Variants in INVS observed in about 807,000 individuals in gnomAD.
The protein encoded by INVS is inversion of embryo turning homolog.
INVS carries 86 observed loss-of-function variants against 108.8 expected under a neutral mutation model. That is an observed-to-expected ratio of 0.79 (90% confidence interval 0.66 to 0.95). The LOEUF (loss-of-function observed/expected upper bound fraction) is 0.95, where lower values mean the gene tolerates loss of function less well. Ranked by LOEUF, INVS falls within the 40% of genes least tolerant of loss-of-function variation. The pLI is 0.00. For synonymous variants in INVS, 455 were observed against 473.5 expected (o/e 0.96, Z 0.51); for missense variants, 1,169 against 1,297.4 (o/e 0.90, Z 1.52).
chr9:100,241,646 C>A (rs984241986), intron 6 of INVS, among the ~76,000 whole-genome samples: 3 of 152,054 alleles, frequency 2.0e-5, no homozygotes, highest in Non-Finnish European at 4.4e-5. Flanking sequence ...CCCTTTATTT[C>A]TCAAACAAAA....
intron 3 of INVS, among the ~76,000 whole-genome samples, chr9:100,143,736 A>G (rs183779404): frequency 7.3e-4 from 111 of 152,096 alleles, no homozygotes; most frequent in Admixed American, 2.2e-3. Context: ...AGTTGGCACC[A>G]GAGTTGGGGA....
chr9:100,167,561 C>T (rs1355153054), intron 3 of INVS, among the ~76,000 whole-genome samples: 1 of 152,194 alleles, frequency 6.6e-6, no homozygotes, highest in East Asian at 1.9e-4. Context: ...ATACCCACCT[C>T]ACCTCACACA....
intron 3 of INVS, among the ~76,000 whole-genome samples, chr9:100,162,700 C>T (rs987108475): frequency 1.3e-5 from 2 of 152,010 alleles, no homozygotes; most frequent in African/African-American, 4.8e-5. Context: ...CCTTGGCGGG[C>T]ACCAGTAATC....
Position 100,302,054 on chromosome 9 carries a change from T to TATCA in INVS, c.*1381_*1384dup, listed in dbSNP as rs71498737. On this transcript the variant is annotated 3_prime_UTR_variant, in exon 17 of 17. Transcript: ENST00000262457. ...GGAACGCCCAAACATTATTTTCATA[T>TATCA]ATCAGTGCAAAGAAAGAAGGTTCGT... The TATCA allele has an allele frequency of 3.8e-6, 2 of 529,852 alleles. No homozygotes were observed. Among genetic ancestry groups the TATCA allele is most frequent in the African/African-American group, 1.9e-5 (1 of 53,094 alleles). 32.8% of individuals were successfully genotyped at this position (529,852 alleles called of 1,614,324 possible).
intron 3 of INVS, among the ~76,000 whole-genome samples, chr9:100,145,531 AGTG>A (rs1413219562): frequency 6.6e-6 from 1 of 151,776 alleles, no homozygotes; most frequent in African/African-American, 2.4e-5. Flanking sequence ...CCCCTAGAAA[AGTG>A]GTACTTGCCA....
At chr9:100,218,005 CTATAAT>C (rs1231562368) in intron 3 of INVS, among the ~76,000 whole-genome samples, 1 of 151,808 alleles carries the variant, frequency 6.6e-6, no homozygotes, top group Non-Finnish European at 1.5e-5. Flanking sequence ...AATTATATAG[CTATAAT>C]TATAATTAAT....
At chr9:100,113,487 C>T (rs879739977) in intron 2 of INVS, among the ~76,000 whole-genome samples, 8 of 152,118 alleles carry the variant, frequency 5.3e-5, no homozygotes, top group African/African-American at 1.7e-4. Flanking sequence ...AAATATATGT[C>T]GAAGTATTGC....
At chr9:100,282,205 A>G (rs1488757924) in intron 12 of INVS, among the ~76,000 whole-genome samples, 1 of 152,180 alleles carries the variant, frequency 6.6e-6, no homozygotes, top group Non-Finnish European at 1.5e-5. Context: ...CCTTCTTCTG[A>G]AAAGCAGCCT....
In INVS at chr9:100,233,628, CAT is replaced by C. The variant is rs1379150916; in HGVS notation, c.615+3802_615+3803del. Among the ~76,000 whole-genome samples, 5 of 152,172 alleles carry C rather than the reference CAT, an allele frequency of 3.3e-5. No homozygotes were observed. In the East Asian group the frequency reaches 9.6e-4, roughly 29 times the overall value. On this transcript the variant is annotated intron_variant, in intron 5 of 16. Transcript: ENST00000262457. ...CCTTTTCTGCATCTATTGAGATAAT[CAT>C]GTGGTTTTTGTCATTGGTTCTGTTT...
At chr9:100,099,864 A>T (rs1587992119) in intron 1 of INVS, among the ~76,000 whole-genome samples, 1 of 152,192 alleles carries the variant, frequency 6.6e-6, no homozygotes, top group Non-Finnish European at 1.5e-5. Flanking sequence ...ATCTCTGCTT[A>T]GTACCCAGGA....
chr9:100,259,416 C>A (rs1280226332), intron 10 of INVS, among the ~76,000 whole-genome samples: 6 of 152,102 alleles, frequency 3.9e-5, no homozygotes, highest in African/African-American at 1.4e-4. Context: ...ACTCCATGGG[C>A]CACACCCACT....
chr9:100,173,936 A>AT (rs573418119), intron 3 of INVS, among the ~76,000 whole-genome samples: 2 of 152,230 alleles, frequency 1.3e-5, no homozygotes, highest in Non-Finnish European at 2.9e-5. Context: ...GAAAAACATA[A>AT]TTTAGAGTTT....
At chr9:100,161,364 C>CAAAA (rs35392930) in intron 3 of INVS, among the ~76,000 whole-genome samples, 2 of 12,378 alleles carry the variant, frequency 1.6e-4, no homozygotes, top group Admixed American at 1.0e-3. Context: ...ACTTCCATCT[C>CAAAA]AAAAAAAAAA....
At chr9:100,295,018 C>T (rs1833747740) in intron 14 of INVS, among the ~76,000 whole-genome samples, 1 of 152,196 alleles carries the variant, frequency 6.6e-6, no homozygotes, top group Non-Finnish European at 1.5e-5. Flanking sequence ...GACAGTCGGC[C>T]TCGAAAGCCA....
At position 100,126,416 on chromosome 9, in the gene INVS, T is replaced by C; in HGVS notation, c.140T>C (p.Phe47Ser). 1 of 1,614,082 alleles carries C rather than the reference T, an allele frequency of 6.2e-7. No individual in the cohort carries two copies. Residue 47 changes from phenylalanine to serine, a missense_variant, in exon 3 of 17, where the codon TTT becomes TCT. This residue lies in a region of INVS where 365 missense variants were observed against 397.5 expected (regional missense o/e 0.92). Coordinates refer to ENST00000262457, the MANE Select transcript of INVS (RefSeq NM_014425.5). ...NSALKDKEDQFGRTPLMYCVL... is the reference protein window; with the variant it reads ...NSALKDKEDQSGRTPLMYCVL... ...GCTCTTAAAGACAAAGAAGATCAGT[T>C]TGGGAGAACACCACTTATGTATTGC...
chr9:100,297,910 A>G, intron 15 of INVS, 26 bp from the exon 16 acceptor site: 1 of 1,613,908 alleles, frequency 6.2e-7, no homozygotes, highest in Non-Finnish European at 8.5e-7. Context: ...GGCCAAAGAA[A>G]AGTAACAGTT....
intron 2 of INVS, among the ~76,000 whole-genome samples, chr9:100,105,990 C>T (rs1827167324): frequency 6.6e-6 from 1 of 151,332 alleles, no homozygotes; most frequent in South Asian, 2.1e-4. Context: ...TGATTACCCA[C>T]TTCAAATAGG....
intron 3 of INVS, among the ~76,000 whole-genome samples, chr9:100,216,759 C>T: frequency 6.6e-6 from 1 of 152,222 alleles, no homozygotes; most frequent in East Asian, 1.9e-4. Context: ...TTTCAGCTTG[C>T]TGCCCCCGTG....
chr9:100,224,761 G>A (rs930781656), intron 3 of INVS, among the ~76,000 whole-genome samples: 1 of 151,694 alleles, frequency 6.6e-6, no homozygotes, highest in African/African-American at 2.4e-5. Context: ...GATTACAGGC[G>A]CCTGCCACCA....
Sources: allele counts gnomAD v4.1 joint callset (sites outside exome capture counted in the v4.1 genomes callset), GRCh38; gene constraint gnomAD v4.1.1; regional missense constraint gnomAD v4.1.1; transcripts MANE v1.5; gene names NCBI Gene and HGNC (gene_info 2026-07-23, HGNC 2026-07-21).